The following XKR9 variants were observed in gnomAD, a reference collection of about 807,000 sequenced individuals.
XKR9 encodes XK-related protein 9.
XKR9 carries 32 observed loss-of-function variants against 32.0 expected under a neutral mutation model. The observed-to-expected ratio is 1.00, with a 90% CI of 0.76 to 1.34. The LOEUF (loss-of-function observed/expected upper bound fraction) is 1.34, where lower values mean the gene tolerates loss of function less well. Ranked by LOEUF, XKR9 falls within the 40% of genes most tolerant of loss-of-function variation. The pLI is 0.00. For missense variants in XKR9, 546 were observed against 429.7 expected (o/e 1.27, Z -2.39); for synonymous variants, 168 against 143.4 (o/e 1.17, Z -1.22).
At chr8:70,677,957 C>T (rs1586804034) in intron 2 of XKR9, 1 of 152,270 alleles carries the variant, frequency 6.6e-6, no homozygotes, top group East Asian at 1.9e-4. Context: ...GATTTGTATA[C>T]ACATTAAACA....
the XKR9 span, among the ~76,000 whole-genome samples, chr8:70,861,949 T>C: frequency 6.6e-6 from 1 of 152,198 alleles, no homozygotes; most frequent in Non-Finnish European, 1.5e-5. Context: ...ATATATGTAG[T>C]TTTGTTTAAC....
downstream of XKR9, among the ~76,000 whole-genome samples, chr8:70,738,360 TTTC>T (rs1287303551): frequency 1.4e-5 from 2 of 147,892 alleles, no homozygotes; most frequent in African/African-American, 2.5e-5. Context: ...TCTTTTCTCT[TTTC>T]TTCTTTATTA....
intron 2 of XKR9, among the ~76,000 whole-genome samples, chr8:70,786,243 A>G (rs1403449352): frequency 6.6e-6 from 1 of 152,152 alleles, no homozygotes; most frequent in Non-Finnish European, 1.5e-5. Flanking sequence ...CACAATGTGT[A>G]TTCTGCTGCT....
the XKR9 span, among the ~76,000 whole-genome samples, chr8:70,811,688 T>C: frequency 6.6e-6 from 1 of 152,176 alleles, no homozygotes; most frequent in African/African-American, 2.4e-5. Context: ...CTAGAAAATC[T>C]AGAAGAAATG....
chr8:71,049,739 G>C, the XKR9 span, among the ~76,000 whole-genome samples: 1 of 152,194 alleles, frequency 6.6e-6, no homozygotes, highest in African/African-American at 2.4e-5. Flanking sequence ...AGACTCGTGT[G>C]AGGTCAGAAG....
chr8:70,688,149 T>G (rs1020980194), intron 3 of XKR9, among the ~76,000 whole-genome samples: 3 of 152,230 alleles, frequency 2.0e-5, no homozygotes, highest in Non-Finnish European at 2.9e-5. Context: ...AAGAGGTCTC[T>G]TCTGTGGAGA....
intron 3 of XKR9, among the ~76,000 whole-genome samples, chr8:70,700,640 A>G (rs899779050): frequency 1.3e-5 from 2 of 152,052 alleles, no homozygotes; most frequent in Admixed American, 6.5e-5. Context: ...GGGGTCAGGG[A>G]CCCACTTGAG....
chr8:70,695,858 A>G (rs1198992030), intron 3 of XKR9, among the ~76,000 whole-genome samples: 1 of 149,318 alleles, frequency 6.7e-6, no homozygotes, highest in East Asian at 1.9e-4. Flanking sequence ...TGACCTTTTA[A>G]TGATTGCCAT....
chr8:70,936,549 C>A, the XKR9 span, among the ~76,000 whole-genome samples: 4 of 152,026 alleles, frequency 2.6e-5, no homozygotes, highest in Non-Finnish European at 5.9e-5. Context: ...AAGGGATGGA[C>A]AGTGTAATTG....
At chr8:70,939,939 T>G in the XKR9 span, among the ~76,000 whole-genome samples, 4 of 152,102 alleles carry the variant, frequency 2.6e-5, no homozygotes, top group African/African-American at 9.7e-5. Context: ...TTCCATTTTT[T>G]CAGATGTATA....
the XKR9 span, among the ~76,000 whole-genome samples, chr8:71,024,933 T>G: frequency 6.6e-6 from 1 of 152,246 alleles, no homozygotes; most frequent in Admixed American, 6.5e-5. Context: ...CAGAGTCCAG[T>G]GCCTCTATTC....
At chr8:70,867,065 C>T in the XKR9 span, among the ~76,000 whole-genome samples, 770 of 152,122 alleles carry the variant, frequency 5.1e-3, 7 homozygotes, top group African/African-American at 0.017. Flanking sequence ...GTAATTGATA[C>T]GGGAAAAAGG....
the XKR9 span, among the ~76,000 whole-genome samples, chr8:70,914,043 A>C: frequency 3.3e-5 from 5 of 152,176 alleles, no homozygotes; most frequent in Admixed American, 2.0e-4. Flanking sequence ...ACATTTAAAA[A>C]TATATTTTGA....
chr8:70,805,393 G>C, the XKR9 span, among the ~76,000 whole-genome samples: 8 of 152,314 alleles, frequency 5.3e-5, no homozygotes, highest in South Asian at 2.1e-4. Flanking sequence ...CGAGCTCCCG[G>C]GGGGAGGGGT....
chr8:70,963,856 T>TA, the XKR9 span, among the ~76,000 whole-genome samples: 1 of 152,380 alleles, frequency 6.6e-6, no homozygotes, highest in East Asian at 1.9e-4. Context: ...TCCTTGTAGA[T>TA]ACTGGATATT....
the XKR9 span, among the ~76,000 whole-genome samples, chr8:71,009,570 A>C: frequency 6.6e-6 from 1 of 152,192 alleles, no homozygotes; most frequent in African/African-American, 2.4e-5. Flanking sequence ...GGGGTTGCAA[A>C]GCAAATTAAT....
At chr8:70,842,367 C>T in the XKR9 span, among the ~76,000 whole-genome samples, 1 of 152,284 alleles carries the variant, frequency 6.6e-6, no homozygotes, top group Non-Finnish European at 1.5e-5. Context: ...CTTGCCAAGA[C>T]CTGGATTCAG....
chr8:70,963,869 A>T, the XKR9 span, among the ~76,000 whole-genome samples: 2 of 151,990 alleles, frequency 1.3e-5, no homozygotes, highest in East Asian at 3.9e-4. Flanking sequence ...TGGATATTAG[A>T]CCTTTGTCAG....
In XKR9 at chr8:70,753,632, G is replaced by A. The variant is rs28854205; in HGVS notation, n.353-35707G>A. On this transcript the variant is annotated intron_variant and non_coding_transcript_variant, in intron 2 of 3. Transcript: ENST00000520273. ...CAATATATGCAAATCAAGAAATGTAGTCCAGCATATAAACAGAACCAAAGA... is the reference window on the plus strand; with the variant it reads ...CAATATATGCAAATCAAGAAATGTAATCCAGCATATAAACAGAACCAAAGA... 2.5e-3 allele frequency among the ~76,000 whole-genome samples: 376 copies of A among 151,826 alleles called. 1 individual carries two copies. The highest frequency in any genetic ancestry group is 7.5e-3 in the East Asian group (39 of 5,170).
Sources: gnomAD v4.1 joint callset for allele counts (sites outside exome capture counted in the v4.1 genomes callset) on GRCh38, gnomAD v4.1.1 for gene constraint, MANE v1.5 for transcripts, NCBI Gene and HGNC (gene_info 2026-07-23, HGNC 2026-07-21) for gene names.